The following XKR6 variants were observed in gnomAD, a reference collection of about 807,000 sequenced individuals.
XKR6 encodes XK related 6, also known as XK-related protein 6.
XKR6 carries 22 observed loss-of-function variants against 56.7 expected under a neutral mutation model. The ratio of observed to expected loss-of-function variants is 0.39; its 90% CI spans 0.28 to 0.55. The LOEUF is 0.55. Ranked by LOEUF, XKR6 falls within the 20% of genes least tolerant of loss-of-function variation. XKR6 has a pLI of 0.66. For missense variants in XKR6, 852 were observed against 889.0 expected, an observed-to-expected ratio of 0.96 and a Z score of 0.53; for synonymous variants, 524 against 387.8, an observed-to-expected ratio of 1.35 and a Z score of -4.13.
intron 1 of XKR6, among the ~76,000 whole-genome samples, chr8:11,034,619 C>T (rs1359304762): frequency 1.3e-5 from 2 of 152,190 alleles, no homozygotes; most frequent in East Asian, 3.9e-4. Context: ...CAGCTTAAAA[C>T]TAGATGGAAT....
At chr8:11,054,087 G>C (rs1799621407) in intron 1 of XKR6, among the ~76,000 whole-genome samples, 1 of 152,234 alleles carries the variant, frequency 6.6e-6, no homozygotes, top group African/African-American at 2.4e-5. Flanking sequence ...AATGCTGGGT[G>C]GGGAATCAAA....
intron 1 of XKR6, among the ~76,000 whole-genome samples, chr8:11,065,388 T>C (rs965417851): frequency 6.6e-6 from 1 of 152,198 alleles, no homozygotes; most frequent in South Asian, 2.1e-4. Flanking sequence ...CTTGGCCAGC[T>C]CCACCATTCG....
At chr8:10,993,055 A>C (rs963565414) in intron 1 of XKR6, among the ~76,000 whole-genome samples, 7 of 152,240 alleles carry the variant, frequency 4.6e-5, no homozygotes, top group African/African-American at 1.7e-4. Context: ...AAGAGAGGCA[A>C]GATTATTTTT....
At chr8:11,198,758 C>T (rs1056367141) in intron 1 of XKR6, among the ~76,000 whole-genome samples, 4 of 152,142 alleles carry the variant, frequency 2.6e-5, no homozygotes, top group African/African-American at 9.7e-5. Context: ...CTGACACCAA[C>T]ATTTTTACTG....
chr8:10,960,157 C>G (rs1349949485), intron 1 of XKR6, among the ~76,000 whole-genome samples: 1 of 152,204 alleles, frequency 6.6e-6, no homozygotes, highest in Non-Finnish European at 1.5e-5. Context: ...GCAGTTAGTT[C>G]AGACACAGCA....
chr8:11,128,305 G>A (rs972705711), intron 1 of XKR6, among the ~76,000 whole-genome samples: 2 of 151,980 alleles, frequency 1.3e-5, no homozygotes, highest in African/African-American at 2.4e-5. Context: ...CAGTTCCCAG[G>A]CCTTCCTGTC....
intron 1 of XKR6, among the ~76,000 whole-genome samples, chr8:10,985,633 C>G (rs899797210): frequency 1.3e-5 from 2 of 148,268 alleles, no homozygotes; most frequent in Non-Finnish European, 3.0e-5. Context: ...AAAAACAAAA[C>G]AAAAAACAAC....
chr8:11,187,538 G>C (rs974022687), intron 1 of XKR6, among the ~76,000 whole-genome samples: 1 of 152,104 alleles, frequency 6.6e-6, no homozygotes, highest in African/African-American at 2.4e-5. Flanking sequence ...TTCACGAGTG[G>C]TTCTTCCCAG....
chr8:11,152,730 G>A (rs2116980939), intron 1 of XKR6, among the ~76,000 whole-genome samples: 1 of 152,314 alleles, frequency 6.6e-6, no homozygotes, highest in African/African-American at 2.4e-5. Context: ...GCCAAGAAAT[G>A]ACATGTTGAT....
chr8:11,171,331 C>A (rs17152963), intron 1 of XKR6, among the ~76,000 whole-genome samples: 1 of 152,358 alleles, frequency 6.6e-6, no homozygotes, highest in Non-Finnish European at 1.5e-5. Flanking sequence ...AATATCCTGT[C>A]GTCTACTTAA....
rs189908709 is a variant in XKR6 at position 11,196,172 on chromosome 8, C to G, written c.764+4404G>C. 4.0e-3 allele frequency among the ~76,000 whole-genome samples: 612 copies of G among 152,208 alleles called. 3 individuals are homozygous for G. The highest frequency in any genetic ancestry group is 0.012 in the Admixed American group (177 of 15,284). On this transcript the variant is annotated intron_variant, in intron 1 of 2. Coordinates refer to ENST00000416569, the MANE Select transcript of XKR6 (RefSeq NM_173683.4). ...TATTACCATTCTTAAACCACAAAATCTTAGCATTAGAGGGACATTACAGAT... is the reference window on the plus strand; with the variant it reads ...TATTACCATTCTTAAACCACAAAATGTTAGCATTAGAGGGACATTACAGAT...
chr8:10,978,342 T>A (rs1285574024), intron 1 of XKR6, among the ~76,000 whole-genome samples: 3 of 152,238 alleles, frequency 2.0e-5, no homozygotes, highest in African/African-American at 4.8e-5. Flanking sequence ...ACTGGCCAAT[T>A]TGAGAAACTT....
chr8:11,040,816 ACT>A (rs931023353), intron 1 of XKR6, among the ~76,000 whole-genome samples: 1 of 151,928 alleles, frequency 6.6e-6, no homozygotes, highest in Non-Finnish European at 1.5e-5. Context: ...GGACATTAAC[ACT>A]CTGGCTGTAG....
chr8:11,063,081 G>C, intron 1 of XKR6: 2 of 329,964 alleles, frequency 6.1e-6, no homozygotes, highest in Non-Finnish European at 1.2e-5. Context: ...ATCCTATTAA[G>C]GCTGGGTGCA....
At chr8:10,939,865 C>T (rs1225570441) in intron 1 of XKR6, among the ~76,000 whole-genome samples, 1 of 152,206 alleles carries the variant, frequency 6.6e-6, no homozygotes, top group Non-Finnish European at 1.5e-5. Flanking sequence ...CTTGGGAGAA[C>T]TGCTCTTCAT....
intron 1 of XKR6, among the ~76,000 whole-genome samples, chr8:11,145,814 A>G (rs1480055321): frequency 2.0e-5 from 3 of 152,208 alleles, no homozygotes; most frequent in Admixed American, 6.5e-5. Context: ...TCAAAATCCT[A>G]GCACACTGTT....
At chr8:11,084,984 C>A (rs151011636) in intron 1 of XKR6, among the ~76,000 whole-genome samples, 1 of 152,258 alleles carries the variant, frequency 6.6e-6, no homozygotes, top group East Asian at 1.9e-4. Flanking sequence ...GGTAAATGCC[C>A]CGCAACCACC....
At chr8:11,056,205 G>T (rs1390982455) in intron 1 of XKR6, among the ~76,000 whole-genome samples, 1 of 152,222 alleles carries the variant, frequency 6.6e-6, no homozygotes, top group East Asian at 1.9e-4. Context: ...CAGACTGGGA[G>T]GCAGAAGCAA....
intron 1 of XKR6, among the ~76,000 whole-genome samples, chr8:11,038,024 TAA>T (rs34286744): frequency 2.9e-3 from 388 of 132,416 alleles, no homozygotes; most frequent in Admixed American, 4.5e-3. Flanking sequence ...CAGATATATC[TAA>T]AAAAAAAAAA....
Sources: gnomAD v4.1 joint callset for allele counts (sites outside exome capture counted in the v4.1 genomes callset) on GRCh38, gnomAD v4.1.1 for gene constraint, MANE v1.5 for transcripts, NCBI Gene and HGNC (gene_info 2026-07-23, HGNC 2026-07-21) for gene names.